The following CACNA2D1 variants were observed in gnomAD, a reference collection of about 807,000 sequenced individuals.
The protein encoded by CACNA2D1 is calcium voltage-gated channel auxiliary subunit alpha2delta 1.
Under a neutral mutation model 171.5 loss-of-function variants are expected in CACNA2D1, and 53 were observed. The ratio of observed to expected loss-of-function variants is 0.31; its 90% confidence interval spans 0.25 to 0.39. The LOEUF (loss-of-function observed/expected upper bound fraction) is 0.39. CACNA2D1 is among the 10% of genes least tolerant of loss of function. The pLI, the probability that CACNA2D1 is intolerant of heterozygous loss-of-function variation, is 1.00. For missense variants in CACNA2D1, 903 were observed against 1,299.8 expected (o/e 0.69, Z 4.69); for synonymous variants, 442 against 443.1 (o/e 1.00, Z 0.03).
At chr7:82,252,759 G>C (rs1446651919) in intron 3 of CACNA2D1, among the ~76,000 whole-genome samples, 2 of 151,978 alleles carry the variant, frequency 1.3e-5, no homozygotes, top group African/African-American at 4.8e-5. Flanking sequence ...GCGTGGTGGT[G>C]CGTGCCTGTA....
At chr7:82,389,109 C>G (rs1015162124) in intron 1 of CACNA2D1, among the ~76,000 whole-genome samples, 1 of 148,162 alleles carries the variant, frequency 6.7e-6, no homozygotes, top group African/African-American at 2.5e-5. Flanking sequence ...GAGCGAGACT[C>G]CATCTCAAAA....
At chr7:82,184,901 T>A (rs1797503890) in intron 3 of CACNA2D1, among the ~76,000 whole-genome samples, 1 of 152,194 alleles carries the variant, frequency 6.6e-6, no homozygotes, top group Admixed American at 6.5e-5. Flanking sequence ...TTATCTATAT[T>A]TCCTACAAAC....
intron 1 of CACNA2D1, among the ~76,000 whole-genome samples, chr7:82,373,330 T>G (rs1372472823): frequency 6.6e-6 from 1 of 152,222 alleles, no homozygotes; most frequent in Admixed American, 6.5e-5. Flanking sequence ...TCTAATAACA[T>G]AGTAATATGT....
chr7:82,210,615 C>T (rs1800453553), intron 3 of CACNA2D1, among the ~76,000 whole-genome samples: 1 of 152,140 alleles, frequency 6.6e-6, no homozygotes, highest in African/African-American at 2.4e-5. Context: ...CAACCAGACT[C>T]CTTCATTTGG....
chr7:82,126,123 T>G (rs1323437799), intron 5 of CACNA2D1, among the ~76,000 whole-genome samples: 3 of 152,204 alleles, frequency 2.0e-5, no homozygotes, highest in Non-Finnish European at 4.4e-5. Context: ...ATCACCTCCA[T>G]TTTAAAGACC....
chr7:82,382,545 T>C (rs940451060), intron 1 of CACNA2D1, among the ~76,000 whole-genome samples: 1 of 152,124 alleles, frequency 6.6e-6, no homozygotes, highest in Admixed American at 6.5e-5. Flanking sequence ...TCACAGAGAC[T>C]ATTCAGAGAA....
chr7:82,262,533 T>A (rs894600867), intron 3 of CACNA2D1, among the ~76,000 whole-genome samples: 9 of 152,030 alleles, frequency 5.9e-5, no homozygotes, highest in Admixed American at 2.0e-4. Context: ...TAAAAAAAAA[T>A]TCACTTTTGT....
chr7:82,107,328 A>G (rs1166692089), intron 6 of CACNA2D1, among the ~76,000 whole-genome samples: 1 of 152,130 alleles, frequency 6.6e-6, no homozygotes, highest in African/African-American at 2.4e-5. Flanking sequence ...ACAGAAATCC[A>G]AAACAAAGAG....
At chr7:82,351,806 C>A (rs1819877884) in intron 1 of CACNA2D1, among the ~76,000 whole-genome samples, 1 of 152,032 alleles carries the variant, frequency 6.6e-6, no homozygotes, top group Non-Finnish European at 1.5e-5. Flanking sequence ...AACCATTGAT[C>A]CAGTAATTTC....
At chr7:82,279,120 C>G (rs999122924) in intron 3 of CACNA2D1, among the ~76,000 whole-genome samples, 1 of 152,166 alleles carries the variant, frequency 6.6e-6, no homozygotes, top group Non-Finnish European at 1.5e-5. Flanking sequence ...TGCAGGCCAA[C>G]TACATGGTCA....
intron 6 of CACNA2D1, among the ~76,000 whole-genome samples, chr7:82,085,650 C>T (rs1810375754): frequency 6.6e-6 from 1 of 151,564 alleles, no homozygotes; most frequent in African/African-American, 2.4e-5. Context: ...TAGAAACAAA[C>T]TAGTTGACAC....
rs1820565271 is a variant in CACNA2D1 at position 82,357,535 on chromosome 7, G to A, written c.96-7886C>T. Among the ~76,000 whole-genome samples, 4 of 152,102 alleles carry A rather than the reference G, an allele frequency of 2.6e-5. No homozygotes were observed. In the South Asian group the frequency reaches 8.3e-4, roughly 32 times the overall value. ...TGTCTTTCCTTCCTATATTTGATGT[G>A]GATAAGTCCTCTGGAAAAAATAATA... On this transcript the variant is annotated intron_variant, in intron 1 of 38. Transcript: ENST00000356860.
intron 36 of CACNA2D1, among the ~76,000 whole-genome samples, 193 bp downstream of exon 36, chr7:81,961,686 TTTTAAAAATTACAAA>T (rs1794138640): frequency 1.3e-5 from 2 of 151,976 alleles, no homozygotes; most frequent in South Asian, 4.1e-4. Flanking sequence ...AAAGTTAGAA[TTTTAAAAATTACAAA>T]TTTTAAAAGT....
chr7:82,209,762 A>G (rs1409091645), intron 3 of CACNA2D1, among the ~76,000 whole-genome samples: 2 of 152,208 alleles, frequency 1.3e-5, no homozygotes, highest in South Asian at 2.1e-4. Flanking sequence ...TTTTTGCCAA[A>G]TTGTTCCCCT....
intron 6 of CACNA2D1, among the ~76,000 whole-genome samples, chr7:82,091,878 C>G (rs931560652): frequency 2.0e-5 from 3 of 152,130 alleles, no homozygotes; most frequent in African/African-American, 7.2e-5. Context: ...TGCTTCTGTT[C>G]TATTCGTCTA....
chr7:82,038,018 G>A, intron 11 of CACNA2D1, 59 bp downstream of exon 11: 1 of 1,502,566 alleles, frequency 6.7e-7, no homozygotes, highest in Non-Finnish European at 9.2e-7. Context: ...TCAGAATATT[G>A]AAATTCAGAT....
At chr7:81,962,732 T>G (rs1584195271) in intron 34 of CACNA2D1, among the ~76,000 whole-genome samples, 1 of 152,032 alleles carries the variant, frequency 6.6e-6, no homozygotes, top group Non-Finnish European at 1.5e-5. Flanking sequence ...ACACAATGTG[T>G]GAAGAAACCT....
At chr7:82,101,097 T>G in intron 6 of CACNA2D1, among the ~76,000 whole-genome samples, 1 of 152,166 alleles carries the variant, frequency 6.6e-6, no homozygotes, top group East Asian at 1.9e-4. Flanking sequence ...TGGAGGATTC[T>G]TATTTATATA....
intron 6 of CACNA2D1, among the ~76,000 whole-genome samples, chr7:82,094,127 C>T (rs189992698): frequency 1.3e-5 from 2 of 152,126 alleles, no homozygotes; most frequent in Admixed American, 1.3e-4. Flanking sequence ...AAAGAGTTGC[C>T]TGGTGATTTT....
Sources: allele counts gnomAD v4.1 joint callset (sites outside exome capture counted in the v4.1 genomes callset), GRCh38; gene constraint gnomAD v4.1.1; transcripts MANE v1.5; gene names NCBI Gene and HGNC (gene_info 2026-07-23, HGNC 2026-07-21).